The following MPPED2 variants were observed in gnomAD, a reference collection of about 807,000 sequenced individuals.
MPPED2 encodes metallophosphoesterase MPPED2.
MPPED2 carries 5 observed loss-of-function variants against 33.0 expected under a neutral mutation model. That is an observed-to-expected ratio of 0.15 (90% CI 0.08 to 0.32). The LOEUF (loss-of-function observed/expected upper bound fraction) is 0.32. Among genes scored for constraint, MPPED2 ranks in the 10% least tolerant of loss-of-function variants. The probability of loss-of-function intolerance (pLI) is 1.00; values close to 1 mark genes in which losing one functional copy is unlikely to be tolerated. For missense variants in MPPED2, 275 were observed against 372.1 expected, an observed-to-expected ratio of 0.74 and a Z score of 2.15; for synonymous variants, 136 against 141.9, an observed-to-expected ratio of 0.96 and a Z score of 0.29.
At chr11:30,495,231 T>C in intron 4 of MPPED2, 65 bp downstream of exon 4, 3 of 1,094,090 alleles carry the variant, frequency 2.7e-6, no homozygotes, top group Non-Finnish European at 4.2e-6. Context: ...CATCTAAATC[T>C]GAGCTGTGTT....
chr11:30,559,924 A>G lies in MPPED2; in HGVS notation c.128+20322T>C, dbSNP rs189191954. Reference sequence around the variant, plus strand: ...TAGTCTTCACATTATGCCAAAGGGCATAATGGGCACTATAGCTGCCTGTTG... The same window carrying G: ...TAGTCTTCACATTATGCCAAAGGGCGTAATGGGCACTATAGCTGCCTGTTG... On this transcript the variant is annotated intron_variant, in intron 2 of 6. Transcript: ENST00000358117. Among the ~76,000 whole-genome samples the G allele has an allele frequency of 2.2e-4, 34 of 152,348 alleles. No individual in the cohort carries two copies. In the East Asian group the frequency reaches 6.0e-3, roughly 27 times the overall value.
At chr11:30,418,671 C>T (rs1477856936) in intron 4 of MPPED2, among the ~76,000 whole-genome samples, 2 of 152,238 alleles carry the variant, frequency 1.3e-5, no homozygotes, top group Non-Finnish European at 2.9e-5. Flanking sequence ...CCAACTTACC[C>T]TTTCAGTTTA....
At chr11:30,545,226 G>A (rs1184624906) in intron 2 of MPPED2, among the ~76,000 whole-genome samples, 1 of 152,168 alleles carries the variant, frequency 6.6e-6, no homozygotes, top group Non-Finnish European at 1.5e-5. Context: ...GCTCCCTACA[G>A]GATGGGAGGT....
intron 3 of MPPED2, among the ~76,000 whole-genome samples, chr11:30,531,735 G>C (rs1262827984): frequency 1.3e-5 from 2 of 152,162 alleles, no homozygotes; most frequent in Non-Finnish European, 2.9e-5. Context: ...ACACCAAATG[G>C]GGAGAATACT....
intron 2 of MPPED2, among the ~76,000 whole-genome samples, chr11:30,561,073 G>C (rs564312008): frequency 6.6e-6 from 1 of 152,144 alleles, no homozygotes; most frequent in Non-Finnish European, 1.5e-5. Flanking sequence ...TTTTTAAATA[G>C]CCAAAAGGAG....
intron 4 of MPPED2, among the ~76,000 whole-genome samples, chr11:30,477,934 GCT>G (rs1182209777): frequency 6.6e-6 from 1 of 151,912 alleles, no homozygotes; most frequent in Non-Finnish European, 1.5e-5. Flanking sequence ...CTCTTATTTA[GCT>G]CTCTCTTTTT....
intron 3 of MPPED2, among the ~76,000 whole-genome samples, chr11:30,532,274 GTC>G (rs763940192): frequency 6.6e-5 from 10 of 152,268 alleles, no homozygotes; most frequent in East Asian, 5.8e-4. Flanking sequence ...AATCTCTCCA[GTC>G]TCAGTTTCCA....
intron 2 of MPPED2, among the ~76,000 whole-genome samples, chr11:30,536,429 A>G (rs1405532542): frequency 1.3e-5 from 2 of 152,186 alleles, no homozygotes; most frequent in East Asian, 3.9e-4. Flanking sequence ...TCTTACATAT[A>G]GATCTGAAAT....
chr11:30,446,705 G>A (rs1949825037), intron 4 of MPPED2, among the ~76,000 whole-genome samples: 1 of 152,130 alleles, frequency 6.6e-6, no homozygotes. Flanking sequence ...CCTCACTAAA[G>A]AAGTGCATAA....
downstream of MPPED2, among the ~76,000 whole-genome samples, chr11:30,406,500 T>C (rs1346845163): frequency 1.3e-5 from 2 of 152,268 alleles, no homozygotes; most frequent in East Asian, 3.9e-4. Flanking sequence ...ATCAGTGTTT[T>C]TCTCTCCCAT....
intron 3 of MPPED2, among the ~76,000 whole-genome samples, chr11:30,522,167 G>GA (rs546593208): frequency 4.3e-4 from 65 of 149,602 alleles, no homozygotes; most frequent in African/African-American, 1.1e-3. Flanking sequence ...GCCTGGAATA[G>GA]AAAAAAAAAT....
chr11:30,561,844 A>G (rs1266460598), intron 2 of MPPED2, among the ~76,000 whole-genome samples: 2 of 152,202 alleles, frequency 1.3e-5, no homozygotes, highest in African/African-American at 2.4e-5. Flanking sequence ...CACCAATGAT[A>G]GAGAACAGAA....
chr11:30,423,644 A>G (rs1022503955), intron 4 of MPPED2, among the ~76,000 whole-genome samples: 3 of 152,200 alleles, frequency 2.0e-5, no homozygotes, highest in Non-Finnish European at 4.4e-5. Flanking sequence ...CTGGCCAATT[A>G]TTGGCTTCTC....
At chr11:30,430,368 T>C (rs964029391) in intron 4 of MPPED2, among the ~76,000 whole-genome samples, 5 of 152,264 alleles carry the variant, frequency 3.3e-5, no homozygotes, top group African/African-American at 1.2e-4. Context: ...GAAAATACTT[T>C]AATAGCTTTT....
chr11:30,575,103 A>AC (rs1956869839), intron 2 of MPPED2, among the ~76,000 whole-genome samples: 1 of 152,206 alleles, frequency 6.6e-6, no homozygotes, highest in African/African-American at 2.4e-5. Flanking sequence ...CAGATCAGAC[A>AC]AACAAAATCT....
chr11:30,523,056 C>T (rs1431300343), intron 3 of MPPED2, among the ~76,000 whole-genome samples: 1 of 151,886 alleles, frequency 6.6e-6, no homozygotes, highest in Non-Finnish European at 1.5e-5. Context: ...TCAGCTGGCA[C>T]ATGTAATCAC....
At chr11:30,576,288 G>A (rs1956927797) in intron 2 of MPPED2, among the ~76,000 whole-genome samples, 1 of 152,130 alleles carries the variant, frequency 6.6e-6, no homozygotes, top group Non-Finnish European at 1.5e-5. Flanking sequence ...TTCCACAGGT[G>A]ATATTGACCA....
At chr11:30,446,932 A>C (rs1430072313) in intron 4 of MPPED2, among the ~76,000 whole-genome samples, 1 of 152,222 alleles carries the variant, frequency 6.6e-6, no homozygotes, top group African/African-American at 2.4e-5. Context: ...ATGGTTTTGC[A>C]TTAGCGTTCT....
At chr11:30,511,529 G>A (rs990050684) in intron 3 of MPPED2, among the ~76,000 whole-genome samples, 1 of 152,048 alleles carries the variant, frequency 6.6e-6, no homozygotes, top group Non-Finnish European at 1.5e-5. Flanking sequence ...CTTTTTCAAC[G>A]AACAGTAAAG....
Sources: allele counts gnomAD v4.1 joint callset (sites outside exome capture counted in the v4.1 genomes callset), GRCh38; gene constraint gnomAD v4.1.1; transcripts MANE v1.5; gene names NCBI Gene and HGNC (gene_info 2026-07-23, HGNC 2026-07-21).